NDUFA10: variants seen among roughly 807,000 people sequenced by gnomAD.
NDUFA10 encodes the protein NADH dehydrogenase [ubiquinone] 1 alpha subcomplex subunit 10, mitochondrial.
In NDUFA10, 40 loss-of-function variants were observed where a neutral mutation model predicts 47.8. The ratio of observed to expected loss-of-function variants is 0.84; its 90% CI spans 0.65 to 1.09. The LOEUF is 1.09. Among genes scored for constraint, NDUFA10 ranks in the 50% least tolerant of loss-of-function variants. The pLI, the probability that NDUFA10 is intolerant of heterozygous loss-of-function variation, is 0.00. For missense variants in NDUFA10, 413 were observed against 451.1 expected (o/e 0.92, Z 0.76); for synonymous variants, 183 against 172.2 (o/e 1.06, Z -0.49).
At chr2:239,937,634 A>G (rs746738189) in intron 4 of NDUFA10, among the ~76,000 whole-genome samples, 3 of 152,214 alleles carry the variant, frequency 2.0e-5, no homozygotes, top group Non-Finnish European at 4.4e-5. Context: ...GCTATTGTGA[A>G]TAATGTGCTC....
intron 9 of NDUFA10, among the ~76,000 whole-genome samples, chr2:239,980,088 T>G (rs1391476038): frequency 6.6e-6 from 1 of 152,188 alleles, no homozygotes; most frequent in Non-Finnish European, 1.5e-5. Context: ...GCCTCCTCGC[T>G]GTGCTTTCTC....
chr2:239,944,801 C>G (rs1418472063), intron 4 of NDUFA10, among the ~76,000 whole-genome samples: 1 of 152,138 alleles, frequency 6.6e-6, no homozygotes, highest in East Asian at 1.9e-4. Flanking sequence ...CCAGAGCCAC[C>G]TGCCCCTGTC....
In NDUFA10 at chr2:240,016,309, C is replaced by G. The variant is rs953075293; in HGVS notation, c.548-1449G>C. Among the ~76,000 whole-genome samples the G allele has an allele frequency of 1.3e-5, 2 of 152,144 alleles. No individual in the cohort carries two copies. The highest frequency in any genetic ancestry group is 2.9e-5 in the Non-Finnish European group (2 of 68,022). On this transcript the variant is annotated intron_variant, in intron 4 of 9. Coordinates refer to ENST00000252711, the MANE Select transcript of NDUFA10 (RefSeq NM_004544.4). The surrounding 1 kb of genome is among the most constrained non-coding windows in gnomAD (Gnocchi z 4.4). ...CGGGTCTGCTTCCTGACTGCTGGAC[C>G]GGTAGCAGGCCGGTCTCTCCTGCTG... is the stretch of plus-strand genomic sequence containing the variant.
At chr2:239,983,867 G>A (rs773173657) in intron 9 of NDUFA10, 343 of 1,354,070 alleles carry the variant, frequency 2.5e-4, no homozygotes, top group Non-Finnish European at 3.1e-4. Flanking sequence ...TATTCTAGAC[G>A]GGGTATTGGA....
rs373034894 is a variant in NDUFA10, at chr2:239,959,126, G to C, written c.*1992C>G. The C allele has an allele frequency of 4.1e-6, 4 of 985,246 alleles. No individual in the cohort carries two copies. Among genetic ancestry groups the C allele is most frequent in the South Asian group, 4.7e-5 (1 of 21,286 alleles). The allele number at this position is 985,246 out of a possible 1,614,324, so 61.0% of individuals were successfully genotyped here. On this transcript the variant is annotated 3_prime_UTR_variant, in exon 10 of 10. Transcript: ENST00000252711. Reference sequence around the variant, plus strand: ...GAAAACACCAGAAAATCAAACAGACGAATGTCCTCAGCACTACAAATTACA... The same window carrying C: ...GAAAACACCAGAAAATCAAACAGACCAATGTCCTCAGCACTACAAATTACA...
chr2:239,974,578 T>C (rs926696439), intron 9 of NDUFA10, among the ~76,000 whole-genome samples: 1 of 152,254 alleles, frequency 6.6e-6, no homozygotes, highest in South Asian at 2.1e-4. Context: ...GTTTGGATCA[T>C]GCGGGCTGAT....
At position 240,016,678 on chromosome 2, in the gene NDUFA10, T is replaced by C. The variant is rs1452530213; in HGVS notation, c.548-1818A>G. Among the ~76,000 whole-genome samples the C allele has an allele frequency of 1.3e-5, 2 of 152,040 alleles. No homozygotes were observed. Among genetic ancestry groups the C allele is most frequent in the South Asian group, 2.1e-4 (1 of 4,826 alleles). On this transcript the variant is annotated intron_variant, in intron 4 of 9. Coordinates refer to ENST00000252711, the MANE Select transcript of NDUFA10 (RefSeq NM_004544.4). The surrounding 1 kb of genome is among the most constrained non-coding windows in gnomAD (Gnocchi z 4.4). ...AGTGGGGGTCTCATCACCCCAGAAA[T>C]GGTCCCCAAAGGATCTGGTCTCAGC... is the stretch of plus-strand genomic sequence containing the variant.
chr2:239,983,721 G>C (rs1245555442), intron 9 of NDUFA10: 13 of 1,562,170 alleles, frequency 8.3e-6, no homozygotes, highest in African/African-American at 4.1e-5. Context: ...CTAATCGCTA[G>C]AGAAACATCG....
intron 9 of NDUFA10, chr2:239,983,640 A>G (rs775888743): frequency 6.3e-7 from 1 of 1,583,072 alleles, no homozygotes; most frequent in African/African-American, 1.3e-5. Flanking sequence ...CCACGGTGCC[A>G]GGCTGCACTG....
intron 4 of NDUFA10, among the ~76,000 whole-genome samples, chr2:239,914,298 G>A (rs1441444193): frequency 6.8e-6 from 1 of 147,220 alleles, no homozygotes; most frequent in African/African-American, 2.5e-5. Flanking sequence ...GACACACAGA[G>A]ATACTCAAAC....
At chr2:240,005,402 G>T in intron 7 of NDUFA10, 107 bp from the exon 8 acceptor site, 1 of 879,676 alleles carries the variant, frequency 1.1e-6, no homozygotes, top group Non-Finnish European at 1.9e-6. Flanking sequence ...AGGCTGGAAA[G>T]TAGTGGCACA....
chr2:240,016,267 C>T lies in NDUFA10; in HGVS notation c.548-1407G>A, dbSNP rs1220502065. 6.6e-6 allele frequency among the ~76,000 whole-genome samples: 1 copy of T among 152,168 alleles called. No homozygotes were observed. The highest frequency in any genetic ancestry group is 2.4e-5 in the African/African-American group (1 of 41,434). ...ATACAAACACAAACCCGCAGCCAGG[C>T]AGAGCACACGGGACCTCGGGTCTGC... is the stretch of plus-strand genomic sequence containing the variant. On this transcript the variant is annotated intron_variant, in intron 4 of 9. Coordinates refer to ENST00000252711, the MANE Select transcript of NDUFA10 (RefSeq NM_004544.4). The surrounding 1 kb of genome is among the most constrained non-coding windows in gnomAD (Gnocchi z 4.4).
At chr2:239,895,081 C>T (rs1262766719) in intron 5 of NDUFA10, 1 of 261,268 alleles carries the variant, frequency 3.8e-6, no homozygotes, top group Non-Finnish European at 8.2e-6. Context: ...GCTTTCAGTG[C>T]CCTGTAGAGA....
chr2:239,920,673 G>C (rs1460169083), intron 4 of NDUFA10, among the ~76,000 whole-genome samples: 3 of 152,204 alleles, frequency 2.0e-5, no homozygotes, highest in African/African-American at 7.2e-5. Context: ...CAACTCTGAA[G>C]GTAAAGGAAG....
In NDUFA10 at chr2:240,017,229, A is replaced by G. The variant is rs75409097; in HGVS notation, c.547+1324T>C. Among the ~76,000 whole-genome samples, 727 of 152,280 alleles carry G rather than the reference A, an allele frequency of 4.8e-3. 9 individuals are homozygous for G. The highest frequency in any genetic ancestry group is 0.016 in the African/African-American group (681 of 41,536). ...TGGTCCCTCACTAGTTTCAGGACAG[A>G]AGCCAAGCATCCTCGCCGAGGCGCA... is the stretch of plus-strand genomic sequence containing the variant. On this transcript the variant is annotated intron_variant, in intron 4 of 9. Transcript: ENST00000252711.
In NDUFA10 at chr2:240,025,278, C is replaced by T. The variant is rs113012830; in HGVS notation, c.24G>A (p.Leu8=). The change falls in exon 1 of 10, where the codon CTG becomes CTA. Residue 8 remains leucine (L), a synonymous_variant. Coordinates refer to ENST00000252711, the MANE Select transcript of NDUFA10 (RefSeq NM_004544.4). ...CCCGGGCGGACGCGGACGTCGCTGC[C>T]AGCTTCAGGAGCCGCAAGGCCATGG... MALRLLK[L]AATSASARVV... 6.1e-3 allele frequency: 9,159 copies of T among 1,504,790 alleles called. 527 individuals carry two copies. The African/African-American group carries it at 0.12, about 19-fold the overall frequency. The allele number at this position is 1,504,790 out of a possible 1,614,324, so 93.2% of individuals were successfully genotyped here. A position where few individuals can be genotyped will look rare whatever the true frequency, so the allele number is the denominator to read the frequency against.
intron 1 of NDUFA10, among the ~76,000 whole-genome samples, chr2:240,024,620 T>C (rs1403072641): frequency 6.6e-6 from 1 of 152,210 alleles, no homozygotes; most frequent in Non-Finnish European, 1.5e-5. Context: ...GCACAAAGAA[T>C]GCGCTCAATG....
intron 4 of NDUFA10, among the ~76,000 whole-genome samples, chr2:239,901,965 G>C (rs918099386): frequency 6.6e-6 from 1 of 152,120 alleles, no homozygotes; most frequent in Non-Finnish European, 1.5e-5. Flanking sequence ...AAATTTGAGT[G>C]AATGAGGAAT....
chr2:239,941,934 A>C (rs1559300078), intron 4 of NDUFA10, among the ~76,000 whole-genome samples: 1 of 152,332 alleles, frequency 6.6e-6, no homozygotes, highest in East Asian at 1.9e-4. Context: ...TTTTCAACAT[A>C]AGCAAATGAA....
Sources: allele counts gnomAD v4.1 joint callset (sites outside exome capture counted in the v4.1 genomes callset), GRCh38; gene constraint gnomAD v4.1.1; non-coding constraint Gnocchi (gnomAD v3.1); transcripts MANE v1.5; gene names NCBI Gene and HGNC (gene_info 2026-07-23, HGNC 2026-07-21).